Variants in SP7 observed in about 807,000 individuals in gnomAD.
The protein encoded by SP7 is transcription factor Sp7.
A neutral mutation model predicts 27.9 loss-of-function variants in SP7; 13 were observed. That is an observed-to-expected ratio of 0.47 (90% CI 0.30 to 0.74). The LOEUF (loss-of-function observed/expected upper bound fraction) is 0.74. Among genes scored for constraint, SP7 ranks in the 30% least tolerant of loss-of-function variants. The pLI is 0.06. For missense variants in SP7, 525 were observed against 558.0 expected, an observed-to-expected ratio of 0.94 and a Z score of 0.60; for synonymous variants, 219 against 226.7, an observed-to-expected ratio of 0.97 and a Z score of 0.31.
chr12:53,336,374 C>T, upstream of SP7: 1 of 157,092 alleles, frequency 6.4e-6, no homozygotes, highest in Non-Finnish European at 1.4e-5. Context: ...TAGGCTGCTG[C>T]CGCCCGCCGC....
chr12:53,342,738 C>A (rs1275892521), intron 1 of SP7, among the ~76,000 whole-genome samples: 1 of 151,842 alleles, frequency 6.6e-6, no homozygotes, highest in Non-Finnish European at 1.5e-5. Context: ...TTGCTTGAAC[C>A]TGGGAGGCGG....
rs1214696862 is a variant in SP7, at chr12:53,329,160, G to T, written c.282C>A (p.Pro94=). 1 of 1,613,754 alleles carries T rather than the reference G, an allele frequency of 6.2e-7. No individual in the cohort carries two copies. Among genetic ancestry groups the T allele is most frequent in the East Asian group, 2.2e-5 (1 of 44,896 alleles). The part of the protein sequence containing the change: ...PTSGYANDYP[P]FSHSFPGPTG... ...TGGGCCCAGGGAATGAGTGGGAAAA[G>T]GGAGGGTAATCATTAGCATAGCCTG... is the stretch of plus-strand genomic sequence containing the variant. The change falls in exon 3 of 3, where the codon CCC becomes CCA. Residue 94 remains proline, a synonymous_variant. Transcript: ENST00000536324.
In SP7 at chr12:53,344,580, C is replaced by T. The variant is rs1033926600; in HGVS notation, c.-34+534G>A. Among the ~76,000 whole-genome samples, 1 of 152,192 alleles carries T rather than the reference C, an allele frequency of 6.6e-6. No individual in the cohort carries two copies. Among genetic ancestry groups the T allele is most frequent in the South Asian group, 2.1e-4 (1 of 4,834 alleles). On this transcript the variant is annotated intron_variant, in intron 1 of 1. Transcript: ENST00000547755. The surrounding 1 kb of genome is among the most constrained non-coding windows in gnomAD (Gnocchi z 4.6). ...ATTTCAAAGCGCTGTTCAATGCCCC[C>T]ATCCACCCCCACCTCGCGTGGACGT...
At position 53,344,563 on chromosome 12, in the gene SP7, G is replaced by A. The variant is rs1944847313; in HGVS notation, c.-34+551C>T. ...GGGACGCCCCCCTCTGGATTTCAAA[G>A]CGCTGTTCAATGCCCCCATCCACCC... On this transcript the variant is annotated intron_variant, in intron 1 of 1. Transcript: ENST00000547755. This position sits in a 1 kb window ranked among gnomAD's most constrained non-coding sequence, Gnocchi z 4.6. Among the ~76,000 whole-genome samples the A allele has an allele frequency of 6.6e-6, 1 of 152,148 alleles. No individual in the cohort carries two copies. The highest frequency in any genetic ancestry group is 1.5e-5 in the Non-Finnish European group (1 of 68,020).
At chr12:53,335,738 A>C in intron 1 of SP7, 45 bp from the exon 2 acceptor site, 3 of 1,218,352 alleles carry the variant, frequency 2.5e-6, no homozygotes, top group Non-Finnish European at 3.2e-6. Flanking sequence ...AGGGAGAGGG[A>C]GGGAGAATGG....
chr12:53,342,759 G>A (rs1002092391), intron 1 of SP7, among the ~76,000 whole-genome samples: 19 of 151,862 alleles, frequency 1.3e-4, no homozygotes, highest in Admixed American at 2.6e-4. Context: ...GGGTTGCAGT[G>A]AGCCAAGATT....
chr12:53,327,248 A>T lies in SP7; in HGVS notation c.*898T>A, dbSNP rs1944642427. 1 of 152,604 alleles carries T rather than the reference A, an allele frequency of 6.6e-6. No individual in the cohort carries two copies. The highest frequency in any genetic ancestry group is 2.4e-5 in the African/African-American group (1 of 41,422). The allele number at this position is 152,604 out of a possible 1,614,324, so 9.5% of individuals were successfully genotyped here. A position where few individuals can be genotyped will look rare whatever the true frequency, so the allele number is the denominator to read the frequency against. On this transcript the variant is annotated 3_prime_UTR_variant, in exon 3 of 3. Coordinates refer to ENST00000536324, the MANE Select transcript of SP7 (RefSeq NM_001173467.3). ...TATTAGGGATCCCCCTAATCAAGAG[A>T]TACCCCATCAACTGTTTAGCAGAGA...
Position 53,327,955 on chromosome 12 carries a change from G to A in SP7, c.*191C>T. 3.4e-6 allele frequency: 2 copies of A among 582,894 alleles called. No homozygotes were observed. The highest frequency in any genetic ancestry group is 4.7e-5 in the South Asian group (2 of 42,276). 36.1% of individuals were successfully genotyped at this position (582,894 alleles called of 1,614,324 possible). A position where few individuals can be genotyped will look rare whatever the true frequency, so the allele number is the denominator to read the frequency against. On this transcript the variant is annotated 3_prime_UTR_variant, in exon 3 of 3. Transcript: ENST00000536324. ...GAGTTTGTGGAAAGCCAGTCTCATG[G>A]TGAAGAGAGAAGGTGAGCTGAGGAG...
At chr12:53,341,982 C>T (rs534022170) in intron 1 of SP7, among the ~76,000 whole-genome samples, 1 of 151,602 alleles carries the variant, frequency 6.6e-6, no homozygotes, top group East Asian at 1.9e-4. Flanking sequence ...ATGGCGTGAC[C>T]GGGAGGTGGA....
Position 53,328,373 on chromosome 12 carries a change from G to A in SP7, c.1069C>T (p.Leu357=), listed in dbSNP as rs1326061592. ...THTREKKFTC[L]LCSKRFTRSD... is the part of the protein sequence containing the mutation. ...CGGGTAAAGCGCTTGGAGCAGAGCA[G>A]GCAGGTGAACTTCTTCTCCCGGGTG... The change falls in exon 3 of 3, where the codon CTG becomes TTG. Residue 357 remains leucine (L), a synonymous_variant. Transcript: ENST00000536324. The surrounding 1 kb of genome is among the most constrained non-coding windows in gnomAD (Gnocchi z 5.1). The A allele has an allele frequency of 1.2e-6, 2 of 1,613,620 alleles. No homozygotes were observed. The highest frequency in any genetic ancestry group is 1.1e-5 in the South Asian group (1 of 91,052).
intron 1 of SP7, among the ~76,000 whole-genome samples, chr12:53,343,965 T>C (rs1944842900): frequency 6.6e-6 from 1 of 152,016 alleles, no homozygotes; most frequent in African/African-American, 2.4e-5. Context: ...TGAGAATCTC[T>C]TGAGCCTGGG....
chr12:53,326,734 T>G lies in SP7; in HGVS notation c.*1412A>C, dbSNP rs924398492. On this transcript the variant is annotated 3_prime_UTR_variant, in exon 3 of 3. Coordinates refer to ENST00000536324, the MANE Select transcript of SP7 (RefSeq NM_001173467.3). ...GGGACAGAAAAGGAGGATCCAACGT[T>G]ACAGGAAAGGCACGAAGCGGCTTTA... is the stretch of plus-strand genomic sequence containing the variant. 2.0e-5 allele frequency: 3 copies of G among 152,454 alleles called. No individual in the cohort carries two copies. The highest frequency in any genetic ancestry group is 4.4e-5 in the Non-Finnish European group (3 of 68,018). 9.4% of individuals were successfully genotyped at this position (152,454 alleles called of 1,614,324 possible).
Position 53,328,283 on chromosome 12 carries a change from C to A in SP7, c.1159G>T (p.Gly387Cys). 1.2e-6 allele frequency: 2 copies of A among 1,611,080 alleles called. No homozygotes were observed. Among genetic ancestry groups the A allele is most frequent in the South Asian group, 2.2e-5 (2 of 90,660 alleles). The change falls in exon 3 of 3, where the codon GGC (glycine) becomes TGC (cysteine). Residue 387 changes from glycine (G) to cysteine (C), a missense_variant. Transcript: ENST00000536324. This position sits in a 1 kb window ranked among gnomAD's most constrained non-coding sequence, Gnocchi z 5.1. ...CGGCCCTCCCCCAGCTCCTTGGGGC[C>A]ACTGGGAGGGGGACCCGGGCCTGGT... ...GEPGPGPPPS[G>C]PKELGEGRST... is the part of the protein sequence containing the mutation.
intron 2 of SP7, 137 bp downstream of exon 2, chr12:53,335,487 CCT>C: frequency 1.4e-6 from 1 of 715,048 alleles, no homozygotes; most frequent in Non-Finnish European, 2.6e-6. Context: ...GGACCCCACT[CCT>C]CTCTCCTCAT....
At chr12:53,330,029 C>T (rs1452171880) in intron 2 of SP7, among the ~76,000 whole-genome samples, 4 of 151,742 alleles carry the variant, frequency 2.6e-5, no homozygotes, top group African/African-American at 4.8e-5. Flanking sequence ...CCACTGCGCC[C>T]GGCCTTTTCT....
intron 2 of SP7, among the ~76,000 whole-genome samples, chr12:53,333,242 A>T (rs976003004): frequency 2.0e-5 from 3 of 152,130 alleles, no homozygotes; most frequent in African/African-American, 7.2e-5. Flanking sequence ...AAGAGTTCTA[A>T]ACATGTGTCC....
intron 2 of SP7, among the ~76,000 whole-genome samples, chr12:53,331,706 A>G (rs1056380916): frequency 6.6e-6 from 1 of 152,072 alleles, no homozygotes; most frequent in Non-Finnish European, 1.5e-5. Context: ...ATCTACCCCT[A>G]TACAGTTATA....
chr12:53,328,310 C>G lies in SP7; in HGVS notation c.1132G>C (p.Glu378Gln), dbSNP rs1944657261. 1 of 1,610,920 alleles carries G rather than the reference C, an allele frequency of 6.2e-7. No individual in the cohort carries two copies. Among genetic ancestry groups the G allele is most frequent in the Non-Finnish European group, 8.5e-7 (1 of 1,178,124 alleles). ...HLSKHQRTHGEPGPGPPPSGP... is the reference protein window; with the variant it reads ...HLSKHQRTHGQPGPGPPPSGP... ...CTGGGAGGGGGACCCGGGCCTGGTT[C>G]TCCATGGGTGCGCTGGTGTTTGCTC... is the stretch of plus-strand genomic sequence containing the variant. The change falls in exon 3 of 3, where the codon GAA (glutamate) becomes CAA (glutamine). Residue 378 changes from glutamate to glutamine, a missense_variant. Transcript: ENST00000536324. The surrounding 1 kb of genome is among the most constrained non-coding windows in gnomAD (Gnocchi z 5.1).
upstream of SP7, among the ~76,000 whole-genome samples, chr12:53,339,305 C>T (rs546993530): frequency 5.6e-4 from 85 of 152,298 alleles, no homozygotes; most frequent in African/African-American, 2.0e-3. Context: ...TCCCTTCCCA[C>T]CCTCCCCTAG....
Sources: gnomAD v4.1 joint callset for allele counts (sites outside exome capture counted in the v4.1 genomes callset) on GRCh38, gnomAD v4.1.1 for gene constraint, Gnocchi (gnomAD v3.1) non-coding constraint, MANE v1.5 for transcripts, NCBI Gene and HGNC (gene_info 2026-07-23, HGNC 2026-07-21) for gene names.